Variants in PTPRR observed in about 807,000 individuals in gnomAD.
PTPRR encodes receptor-type tyrosine-protein phosphatase R.
PTPRR carries 38 observed loss-of-function variants against 77.2 expected under a neutral mutation model. The ratio of observed to expected loss-of-function variants is 0.49; its 90% CI spans 0.38 to 0.65. The LOEUF is 0.65. PTPRR is among the 30% of genes least tolerant of loss of function. PTPRR has a pLI of 0.00. For missense variants in PTPRR, 744 were observed against 799.2 expected (o/e 0.93, Z 0.83); for synonymous variants, 299 against 283.1 (o/e 1.06, Z -0.57).
intron 2 of PTPRR, among the ~76,000 whole-genome samples, chr12:70,885,535 T>C (rs1465082488): frequency 1.5e-5 from 1 of 67,792 alleles, no homozygotes; most frequent in East Asian, 3.8e-4. Context: ...CAGTTAAGGA[T>C]TTTTTTTTTT....
At chr12:70,839,361 T>C (rs1233761523) in intron 2 of PTPRR, among the ~76,000 whole-genome samples, 4 of 152,008 alleles carry the variant, frequency 2.6e-5, no homozygotes, top group Non-Finnish European at 5.9e-5. Flanking sequence ...CAATACATCA[T>C]TGACCATTTG....
At chr12:70,734,743 G>A (rs1889803497) in intron 6 of PTPRR, among the ~76,000 whole-genome samples, 1 of 152,180 alleles carries the variant, frequency 6.6e-6, no homozygotes, top group Admixed American at 6.5e-5. Context: ...GGACTCATTA[G>A]ACTACAATGG....
At chr12:70,744,694 A>G (rs1272589403) in intron 6 of PTPRR, among the ~76,000 whole-genome samples, 2 of 152,164 alleles carry the variant, frequency 1.3e-5, no homozygotes, top group Admixed American at 1.3e-4. Context: ...ATATATTCAA[A>G]ATTTATATAT....
chr12:70,642,679 A>G (rs1331686873), intron 13 of PTPRR, among the ~76,000 whole-genome samples: 4 of 152,188 alleles, frequency 2.6e-5, no homozygotes, highest in African/African-American at 4.8e-5. Flanking sequence ...ATACTTGTCA[A>G]ATGAATTACC....
intron 1 of PTPRR, among the ~76,000 whole-genome samples, chr12:70,918,313 A>G (rs1893804368): frequency 6.6e-6 from 1 of 152,240 alleles, no homozygotes; most frequent in African/African-American, 2.4e-5. Context: ...GTGATAAAAC[A>G]CCAATGTATT....
chr12:70,774,544 A>T (rs911125511), intron 2 of PTPRR, among the ~76,000 whole-genome samples: 1 of 152,222 alleles, frequency 6.6e-6, no homozygotes, highest in African/African-American at 2.4e-5. Flanking sequence ...GAGTTGAAGT[A>T]ATTAGTTGAA....
chr12:70,766,040 T>C, intron 2 of PTPRR, among the ~76,000 whole-genome samples: 1 of 151,906 alleles, frequency 6.6e-6, no homozygotes, highest in East Asian at 1.9e-4. Context: ...AGACCAAAAG[T>C]AGATAAAACC....
chr12:70,874,489 A>T (rs1893015548), intron 2 of PTPRR, among the ~76,000 whole-genome samples: 1 of 152,186 alleles, frequency 6.6e-6, no homozygotes, highest in East Asian at 1.9e-4. Flanking sequence ...TAATAATGAG[A>T]TATAAATTTA....
At chr12:70,773,782 A>G (rs1264983006) in intron 2 of PTPRR, among the ~76,000 whole-genome samples, 1 of 152,246 alleles carries the variant, frequency 6.6e-6, no homozygotes, top group African/African-American at 2.4e-5. Context: ...TTAAATAAAA[A>G]GCATCTAATA....
At position 70,698,340 on chromosome 12, in the gene PTPRR, T is replaced by C. The variant is rs773545354; in HGVS notation, c.1204A>G (p.Met402Val). The change falls in exon 8 of 14, where the codon ATG (methionine) becomes GTG (valine). Residue 402 changes from methionine to valine, a missense_variant. By Grantham distance (21) the Met-to-Val change is conservative. This residue lies in a region of PTPRR where 570 missense variants were observed against 573.2 expected (regional missense o/e 0.99). Transcript: ENST00000283228. ...ATTTCTTTGGGATCCACAAAGTTCA[T>C]TGGTATTTCCTGCAAAAATAAATAA... ...LLQSEFMEIP[M>V]NFVDPKEIDI... 4 of 1,612,688 alleles carry C rather than the reference T, an allele frequency of 2.5e-6. No individual in the cohort carries two copies. The highest frequency in any genetic ancestry group is 1.3e-5 in the African/African-American group (1 of 74,992).
chr12:70,880,819 A>G (rs1893137171), intron 2 of PTPRR, among the ~76,000 whole-genome samples: 1 of 152,162 alleles, frequency 6.6e-6, no homozygotes, highest in African/African-American at 2.4e-5. Flanking sequence ...TCAAGTCTCC[A>G]TGACTTATTT....
chr12:70,792,450 T>C (rs988415833), intron 2 of PTPRR, among the ~76,000 whole-genome samples: 1 of 152,220 alleles, frequency 6.6e-6, no homozygotes, highest in African/African-American at 2.4e-5. Context: ...TGGTTGTCTC[T>C]TGGTGAACTT....
chr12:70,815,146 A>AC (rs1891880150), intron 2 of PTPRR, among the ~76,000 whole-genome samples: 2 of 123,626 alleles, frequency 1.6e-5, no homozygotes. Context: ...AAAAAAAAAA[A>AC]AACCCACGTG....
chr12:70,648,417 C>G (rs1477928945), intron 13 of PTPRR, among the ~76,000 whole-genome samples: 2 of 152,166 alleles, frequency 1.3e-5, no homozygotes, highest in African/African-American at 4.8e-5. Context: ...GGAAAAGCAT[C>G]TTGTTAGAGG....
intron 8 of PTPRR, among the ~76,000 whole-genome samples, chr12:70,690,001 T>C (rs753533614): frequency 2.4e-4 from 36 of 152,196 alleles, no homozygotes; most frequent in Non-Finnish European, 1.2e-4. Flanking sequence ...GAGGAAGTGA[T>C]GCGCGTGACT....
chr12:70,651,818 TTCCAATAGG>T (rs1366778194), intron 13 of PTPRR, among the ~76,000 whole-genome samples: 1 of 152,188 alleles, frequency 6.6e-6, no homozygotes, highest in East Asian at 1.9e-4. Context: ...ATGTCCCAGA[TTCCAATAGG>T]TCCATTTTGT....
At chr12:70,725,651 G>C (rs1252470726) in intron 6 of PTPRR, among the ~76,000 whole-genome samples, 2 of 152,170 alleles carry the variant, frequency 1.3e-5, no homozygotes, top group East Asian at 3.9e-4. Context: ...CCTGACAATT[G>C]TCCTTGTGGT....
At chr12:70,817,402 T>A (rs1877538) in intron 2 of PTPRR, among the ~76,000 whole-genome samples, 29,959 of 152,116 alleles carry the variant, frequency 0.2, 4,897 homozygotes, top group African/African-American at 0.45. Context: ...TTTTAATAAT[T>A]GTTTTATGGA....
chr12:70,643,881 A>G (rs1886101174), intron 13 of PTPRR, among the ~76,000 whole-genome samples: 1 of 152,092 alleles, frequency 6.6e-6, no homozygotes, highest in Non-Finnish European at 1.5e-5. Flanking sequence ...TAGCCTCCCA[A>G]GTAGCTGGGA....
Sources: gnomAD v4.1 joint callset for allele counts (sites outside exome capture counted in the v4.1 genomes callset) on GRCh38, gnomAD v4.1.1 for gene constraint, gnomAD v4.1.1 regional missense constraint, MANE v1.5 for transcripts, NCBI Gene and HGNC (gene_info 2026-07-23, HGNC 2026-07-21) for gene names.